Variants in XKR4 observed in about 807,000 individuals in gnomAD.
The protein encoded by XKR4 is XK-related protein 4.
Under a neutral mutation model 53.9 loss-of-function variants are expected in XKR4, and 12 were observed. The ratio of observed to expected loss-of-function variants is 0.22; its 90% CI spans 0.14 to 0.36. The LOEUF (loss-of-function observed/expected upper bound fraction) is 0.36. Ranked by LOEUF, XKR4 falls within the 10% of genes least tolerant of loss-of-function variation. The pLI, the probability that XKR4 is intolerant of heterozygous loss-of-function variation, is 1.00. For synonymous variants in XKR4, 354 were observed against 362.4 expected, an observed-to-expected ratio of 0.98 and a Z score of 0.26; for missense variants, 799 against 859.5, an observed-to-expected ratio of 0.93 and a Z score of 0.88.
chr8:55,535,202 T>G lies in XKR4; in HGVS notation c.*10975T>G, dbSNP rs16921980. 6.7e-6 allele frequency: 1 copy of G among 148,370 alleles called. No homozygotes were observed. Among genetic ancestry groups the G allele is most frequent in the South Asian group, 2.2e-4 (1 of 4,538 alleles). 9.2% of individuals were successfully genotyped at this position (148,370 alleles called of 1,614,324 possible). ...GGGGACAAAAAGTGGTCTACCACCA[T>G]GTGACTTATTTTCTTTTTTTTTTTA... On this transcript the variant is annotated 3_prime_UTR_variant, in exon 3 of 3. Coordinates refer to ENST00000327381, the MANE Select transcript of XKR4 (RefSeq NM_052898.2).
At chr8:55,381,559 G>A (rs1804232733) in intron 2 of XKR4, among the ~76,000 whole-genome samples, 1 of 152,146 alleles carries the variant, frequency 6.6e-6, no homozygotes, top group South Asian at 2.1e-4. Context: ...GAGGAGAAGG[G>A]TGTCCCAGCC....
chr8:55,439,752 T>A (rs552058925), intron 2 of XKR4, among the ~76,000 whole-genome samples: 1 of 152,262 alleles, frequency 6.6e-6, no homozygotes, highest in East Asian at 1.9e-4. Flanking sequence ...ATATATTTAA[T>A]TGTACTTCCA....
intron 1 of XKR4, among the ~76,000 whole-genome samples, chr8:55,210,271 A>G (rs963752960): frequency 6.6e-6 from 1 of 151,898 alleles, no homozygotes; most frequent in Non-Finnish European, 1.5e-5. Flanking sequence ...TTTAGTAGAG[A>G]TGGGGTTTCA....
chr8:55,491,791 G>A (rs1806276237), intron 2 of XKR4, among the ~76,000 whole-genome samples: 1 of 152,072 alleles, frequency 6.6e-6, no homozygotes, highest in South Asian at 2.1e-4. Flanking sequence ...CCACAGCCCT[G>A]GCTTCTTTTA....
At chr8:55,192,984 C>T (rs1301943180) in intron 1 of XKR4, among the ~76,000 whole-genome samples, 1 of 152,010 alleles carries the variant, frequency 6.6e-6, no homozygotes, top group Non-Finnish European at 1.5e-5. Context: ...ACCCCAAGGG[C>T]CTTTTTTTGT....
intron 1 of XKR4, among the ~76,000 whole-genome samples, chr8:55,106,574 T>G (rs75600316): frequency 0.14 from 20,976 of 152,160 alleles, 1,827 homozygotes; most frequent in East Asian, 0.27. Context: ...CCAGTGGGAA[T>G]CACAAATTCC....
At chr8:55,165,969 G>A (rs1382330261) in intron 1 of XKR4, among the ~76,000 whole-genome samples, 1 of 152,152 alleles carries the variant, frequency 6.6e-6, no homozygotes, top group East Asian at 1.9e-4. Flanking sequence ...TACCTTTGCT[G>A]TGTGTGTATC....
At chr8:55,215,894 AAAAT>A (rs1281796500) in intron 1 of XKR4, among the ~76,000 whole-genome samples, 1 of 152,218 alleles carries the variant, frequency 6.6e-6, no homozygotes, top group Non-Finnish European at 1.5e-5. Flanking sequence ...GCAAGAACAC[AAAAT>A]AAATAATGAT....
chr8:55,193,361 G>A (rs1374037908), intron 1 of XKR4, among the ~76,000 whole-genome samples: 1 of 151,368 alleles, frequency 6.6e-6, no homozygotes, highest in Non-Finnish European at 1.5e-5. Context: ...AGGTCTCTCC[G>A]CCACCCCACT....
At chr8:55,268,863 A>G (rs1424003486) in intron 1 of XKR4, among the ~76,000 whole-genome samples, 1 of 152,188 alleles carries the variant, frequency 6.6e-6, no homozygotes, top group East Asian at 1.9e-4. Context: ...ATTTCCAGGT[A>G]ACTGAAGAAA....
At chr8:55,414,369 T>C (rs1026113919) in intron 2 of XKR4, among the ~76,000 whole-genome samples, 39 of 152,238 alleles carry the variant, frequency 2.6e-4, no homozygotes, top group Middle Eastern at 6.8e-3. Flanking sequence ...GCATTGAGTT[T>C]CTGTTCTCCA....
chr8:55,219,453 C>T (rs550894091), intron 1 of XKR4, among the ~76,000 whole-genome samples: 2 of 152,224 alleles, frequency 1.3e-5, no homozygotes, highest in South Asian at 4.1e-4. Flanking sequence ...GGAAGTGAGT[C>T]GTACTGGTTT....
chr8:55,390,654 C>G (rs1318529929), intron 2 of XKR4, among the ~76,000 whole-genome samples: 1 of 152,180 alleles, frequency 6.6e-6, no homozygotes, highest in Non-Finnish European at 1.5e-5. Flanking sequence ...GTTTGAATCA[C>G]TTTCTCACAT....
At chr8:55,210,686 C>T (rs1817719491) in intron 1 of XKR4, among the ~76,000 whole-genome samples, 1 of 152,166 alleles carries the variant, frequency 6.6e-6, no homozygotes, top group Non-Finnish European at 1.5e-5. Flanking sequence ...GACGTGGACA[C>T]ACACAGGGTG....
intron 1 of XKR4, among the ~76,000 whole-genome samples, chr8:55,311,829 C>CAAAAAAAAAAAAA (rs57826022): frequency 5.8e-4 from 57 of 98,526 alleles, no homozygotes; most frequent in African/African-American, 1.5e-3. Flanking sequence ...TGTAATTTAG[C>CAAAAAAAAAAAAA]AAAAAAAAAA....
chr8:55,188,370 C>A (rs1213612472), intron 1 of XKR4, among the ~76,000 whole-genome samples: 1 of 152,052 alleles, frequency 6.6e-6, no homozygotes, highest in Non-Finnish European at 1.5e-5. Context: ...TTACTTATTT[C>A]TCCTAAAAAG....
intron 2 of XKR4, chr8:55,451,903 G>A: frequency 1.2e-6 from 1 of 820,870 alleles, no homozygotes; most frequent in Non-Finnish European, 2.1e-6. Context: ...TTCCGACACT[G>A]AGATCTCCTC....
chr8:55,270,661 A>G (rs1818677100), intron 1 of XKR4, among the ~76,000 whole-genome samples: 1 of 152,254 alleles, frequency 6.6e-6, no homozygotes, highest in Non-Finnish European at 1.5e-5. Flanking sequence ...AAACATACCT[A>G]CATTGGGTAA....
At chr8:55,458,156 A>G (rs868755263) in intron 2 of XKR4, among the ~76,000 whole-genome samples, 1 of 152,274 alleles carries the variant, frequency 6.6e-6, no homozygotes, top group African/African-American at 2.4e-5. Context: ...TTGGCAATGC[A>G]AAATACTTAG....
Sources: allele counts gnomAD v4.1 joint callset (sites outside exome capture counted in the v4.1 genomes callset), GRCh38; gene constraint gnomAD v4.1.1; transcripts MANE v1.5; gene names NCBI Gene and HGNC (gene_info 2026-07-23, HGNC 2026-07-21).